The following ISCA1 variants were observed in gnomAD, a reference collection of about 807,000 sequenced individuals.
ISCA1 encodes iron-sulfur cluster assembly 1 homolog, mitochondrial.
Under a neutral mutation model 14.7 loss-of-function variants are expected in ISCA1, and 9 were observed. That is an observed-to-expected ratio of 0.61 (90% CI 0.37 to 1.07). ISCA1 has a LOEUF of 1.07. ISCA1 is among the 50% of genes least tolerant of loss of function. The probability of loss-of-function intolerance (pLI) is 0.01; values close to 1 mark genes in which losing one functional copy is unlikely to be tolerated. For synonymous variants in ISCA1, 38 were observed against 54.3 expected (o/e 0.70, Z 1.32); for missense variants, 102 against 150.1 (o/e 0.68, Z 1.67).
At chr9:86,276,081 T>A (rs548059550) in intron 1 of ISCA1, among the ~76,000 whole-genome samples, 224 of 152,154 alleles carry the variant, frequency 1.5e-3, no homozygotes, top group African/African-American at 5.2e-3. Flanking sequence ...AATGAAATAA[T>A]TATATAACTC....
At chr9:86,270,476 C>T (rs1435179262) in intron 3 of ISCA1, among the ~76,000 whole-genome samples, 8 of 150,110 alleles carry the variant, frequency 5.3e-5, no homozygotes, top group Non-Finnish European at 9.0e-5. Flanking sequence ...GAAATAGGAA[C>T]ACTTTTACAC....
intron 1 of ISCA1, 79 bp downstream of exon 1, chr9:86,282,299 C>A: frequency 6.9e-7 from 1 of 1,453,270 alleles, no homozygotes; most frequent in South Asian, 1.3e-5. Flanking sequence ...CGGCCCCACT[C>A]CCGGCCGCCG....
chr9:86,267,358 T>C, intron 3 of ISCA1: 1 of 840,540 alleles, frequency 1.2e-6, no homozygotes, highest in Non-Finnish European at 1.4e-6. Context: ...TTATAATGTG[T>C]TATAATTTTT....
chr9:86,271,700 A>G (rs1825370457), intron 3 of ISCA1, among the ~76,000 whole-genome samples: 1 of 152,206 alleles, frequency 6.6e-6, no homozygotes, highest in Admixed American at 6.5e-5. Context: ...ATAATAATTT[A>G]TCAATTAGTT....
At chr9:86,268,615 G>C (rs970538905) in intron 3 of ISCA1, among the ~76,000 whole-genome samples, 2 of 152,074 alleles carry the variant, frequency 1.3e-5, no homozygotes, top group Admixed American at 1.3e-4. Context: ...ACTGACTCAC[G>C]CGGACAACTT....
chr9:86,282,438 C>A lies in ISCA1; in HGVS notation c.21G>T (p.Arg7=). Residue 7 remains arginine, a synonymous_variant, in exon 1 of 4, where the codon CGG becomes CGT. Coordinates refer to ENST00000375991, the MANE Select transcript of ISCA1 (RefSeq NM_030940.4). ...TCTTGCTCACAGCCCGGACAGTTGC[C>A]CGGACTAAGGAAGCCGACATCTTCG... MSASLV[R]ATVRAVSKRK... 1 of 1,554,930 alleles carries A rather than the reference C, an allele frequency of 6.4e-7. No individual in the cohort carries two copies. Among genetic ancestry groups the A allele is most frequent in the Non-Finnish European group, 8.7e-7 (1 of 1,149,268 alleles).
chr9:86,274,104 G>T, intron 2 of ISCA1, 85 bp downstream of exon 2: 1 of 738,450 alleles, frequency 1.4e-6, no homozygotes, highest in Non-Finnish European at 2.3e-6. Context: ...ACCCCTAAAT[G>T]AAATAATACT....
chr9:86,272,246 G>A, intron 2 of ISCA1, 134 bp from the exon 3 acceptor site: 1 of 665,876 alleles, frequency 1.5e-6, no homozygotes, highest in East Asian at 2.8e-5. Flanking sequence ...GTCTCACTAT[G>A]TAGCCCAGAC....
At chr9:86,275,798 A>G (rs1280028514) in intron 1 of ISCA1, among the ~76,000 whole-genome samples, 1 of 152,228 alleles carries the variant, frequency 6.6e-6, no homozygotes, top group Non-Finnish European at 1.5e-5. Flanking sequence ...GAAGTAGCAC[A>G]CAGGGTGGAA....
At chr9:86,274,634 G>A (rs1249851072) in intron 1 of ISCA1, among the ~76,000 whole-genome samples, 1 of 152,086 alleles carries the variant, frequency 6.6e-6, no homozygotes. Flanking sequence ...ATCTCACTGG[G>A]AAGGCCAACC....
At position 86,278,645 on chromosome 9, in the gene ISCA1, G is replaced by A. The variant is rs966865970; in HGVS notation, c.81+3733C>T. ...TGATCATGCCACTGCATATGAGCCT[G>A]GGTGACAGAGGAAGATCCTGTCTCT... is the stretch of plus-strand genomic sequence containing the variant. On this transcript the variant is annotated intron_variant, in intron 1 of 3. Transcript: ENST00000375991. Among the ~76,000 whole-genome samples, 58 of 152,310 alleles carry A rather than the reference G, an allele frequency of 3.8e-4. 1 individual carries two copies. The highest frequency in any genetic ancestry group is 3.7e-3 in the Admixed American group (56 of 15,304).
At chr9:86,277,325 G>A (rs1255250595) in intron 1 of ISCA1, among the ~76,000 whole-genome samples, 1 of 152,120 alleles carries the variant, frequency 6.6e-6, no homozygotes. Flanking sequence ...CCTGTGCCAG[G>A]CCAAAACCAA....
intron 3 of ISCA1, among the ~76,000 whole-genome samples, chr9:86,271,275 T>G (rs1029384787): frequency 2.0e-5 from 3 of 152,166 alleles, no homozygotes; most frequent in South Asian, 4.1e-4. Flanking sequence ...GGCTCTACCA[T>G]CTAGGTTTGT....
intron 3 of ISCA1, among the ~76,000 whole-genome samples, chr9:86,268,859 G>A (rs1825327116): frequency 6.6e-6 from 1 of 152,002 alleles, no homozygotes; most frequent in Non-Finnish European, 1.5e-5. Flanking sequence ...CAATGGCATG[G>A]TCTCGGCTCA....
Position 86,274,936 on chromosome 9 carries a change from C to T in ISCA1, c.82-694G>A, listed in dbSNP as rs1053570584. Among the ~76,000 whole-genome samples, 178 of 152,136 alleles carry T rather than the reference C, an allele frequency of 1.2e-3. 3 individuals carry two copies. The highest frequency in any genetic ancestry group is 3.7e-4 in the Non-Finnish European group (25 of 68,024). ...GAAATGCTGTTTTAACATAGCTCAG[C>T]GGGCCTCAAAATGAGAAAAACATCA... is the stretch of plus-strand genomic sequence containing the variant. On this transcript the variant is annotated intron_variant, in intron 1 of 3. Coordinates refer to ENST00000375991, the MANE Select transcript of ISCA1 (RefSeq NM_030940.4).
intron 1 of ISCA1, chr9:86,282,038 G>T (rs760488175): frequency 7.1e-6 from 2 of 280,178 alleles, no homozygotes; most frequent in African/African-American, 2.2e-5. Flanking sequence ...CTGCTTAACC[G>T]GAACGGCCGA....
At chr9:86,278,802 A>C (rs1293553378) in intron 1 of ISCA1, among the ~76,000 whole-genome samples, 1 of 152,234 alleles carries the variant, frequency 6.6e-6, no homozygotes, top group Non-Finnish European at 1.5e-5. Context: ...AGCACCTTCT[A>C]AGTGTTTAAT....
At chr9:86,274,959 TCA>T (rs1163186493) in intron 1 of ISCA1, among the ~76,000 whole-genome samples, 3 of 152,174 alleles carry the variant, frequency 2.0e-5, no homozygotes, top group Non-Finnish European at 4.4e-5. Context: ...GAGAAAAACA[TCA>T]CAGTTTGTGT....
At chr9:86,270,244 A>C (rs1825351576) in intron 3 of ISCA1, among the ~76,000 whole-genome samples, 1 of 145,886 alleles carries the variant, frequency 6.9e-6, no homozygotes. Flanking sequence ...ACAAATTTAC[A>C]AGAAAAAAAC....
Sources: gnomAD v4.1 joint callset for allele counts (sites outside exome capture counted in the v4.1 genomes callset) on GRCh38, gnomAD v4.1.1 for gene constraint, MANE v1.5 for transcripts, NCBI Gene and HGNC (gene_info 2026-07-23, HGNC 2026-07-21) for gene names.